The following INTS11 variants were observed in gnomAD, a reference collection of about 807,000 sequenced individuals.
The protein encoded by INTS11 is CPSF3-like protein.
INTS11 carries 77 observed loss-of-function variants against 78.6 expected under a neutral mutation model. The observed-to-expected ratio is 0.98, with a 90% confidence interval of 0.81 to 1.18. INTS11 has a LOEUF of 1.18. Ranked by LOEUF, INTS11 falls within the 50% of genes most tolerant of loss-of-function variation. The pLI is 0.00. For missense variants in INTS11, 875 were observed against 825.9 expected, an observed-to-expected ratio of 1.06 and a Z score of -0.73; for synonymous variants, 441 against 326.9, an observed-to-expected ratio of 1.35 and a Z score of -3.77.
intron 4 of INTS11, 100 bp downstream of exon 4, chr1:1,319,194 CCT>C (rs1378602590): frequency 2.8e-6 from 3 of 1,073,594 alleles, no homozygotes; most frequent in Non-Finnish European, 4.4e-6. Context: ...GTGGGCTCAC[CCT>C]GAGGCCCCAG....
Position 1,313,941 on chromosome 1 carries a change from T to A in INTS11, c.768-20A>T. 1 of 1,606,922 alleles carries A rather than the reference T, an allele frequency of 6.2e-7. No individual in the cohort carries two copies. Among genetic ancestry groups the A allele is most frequent in the Non-Finnish European group, 8.5e-7 (1 of 1,175,628 alleles). ...CGCTCCCTGGGGACCACCGGCCCAG[T>A]CAGCACAGTGGCCACAGGGGAGAAT... On this transcript the variant is annotated intron_variant, in intron 8 of 16. Transcript: ENST00000435064.
At chr1:1,318,295 T>C (rs1380425204) in intron 4 of INTS11, among the ~76,000 whole-genome samples, 2 of 152,038 alleles carry the variant, frequency 1.3e-5, no homozygotes, top group African/African-American at 2.4e-5. Flanking sequence ...AGGATAAATA[T>C]ATAAATAAAA....
chr1:1,319,141 C>T (rs756447553), intron 4 of INTS11, 155 bp downstream of exon 4: 5 of 819,616 alleles, frequency 6.1e-6, no homozygotes, highest in South Asian at 5.3e-5. Flanking sequence ...CGCGCTGACG[C>T]CTCCTGGTGT....
chr1:1,321,021 C>T lies in INTS11; in HGVS notation c.101G>A (p.Gly34Glu), dbSNP rs1318784712. The change falls in exon 2 of 17, where the codon GGA becomes GAA. Residue 34 changes from glycine (G) to glutamate (E), a missense_variant. Coordinates refer to ENST00000435064, the MANE Select transcript of INTS11 (RefSeq NM_017871.6). ...GTCGTCATTGAAGCCCATGTGCATT[C>T]CACAGTCCAGCATGACATTCTTGCC... is the stretch of plus-strand genomic sequence containing the variant. ...IAGKNVMLDC[G>E]MHMGFNDDRR... 1 of 1,613,166 alleles carries T rather than the reference C, an allele frequency of 6.2e-7. No homozygotes were observed. Among genetic ancestry groups the T allele is most frequent in the Admixed American group, 1.7e-5 (1 of 60,020 alleles).
chr1:1,324,027 G>C, intron 1 of INTS11, among the ~76,000 whole-genome samples: 1 of 33,296 alleles, frequency 3.0e-5, no homozygotes, highest in African/African-American at 1.4e-4. Context: ...TGAGGGTCTG[G>C]GGGACTGGAG....
chr1:1,314,984 G>A lies in INTS11; in HGVS notation c.564-22C>T, dbSNP rs1232310458. 1 of 1,609,998 alleles carries A rather than the reference G, an allele frequency of 6.2e-7. No homozygotes were observed. The highest frequency in any genetic ancestry group is 1.3e-5 in the African/African-American group (1 of 74,872). ...AGCTCTGGAACACGGGGGTGGGGGTGTGAGCCACGATGCACTGTCCCCACG... is the reference window on the plus strand; with the variant it reads ...AGCTCTGGAACACGGGGGTGGGGGTATGAGCCACGATGCACTGTCCCCACG... On this transcript the variant is annotated intron_variant, in intron 6 of 16. Transcript: ENST00000435064. The surrounding 1 kb of genome is among the most constrained non-coding windows in gnomAD (Gnocchi z 4.2).
At chr1:1,317,927 G>A (rs1024766069) in intron 4 of INTS11, 1 of 151,828 alleles carries the variant, frequency 6.6e-6, no homozygotes, top group African/African-American at 2.4e-5. Flanking sequence ...GTGCAGTGGT[G>A]GGATCTTGGC....
chr1:1,321,915 T>G, intron 1 of INTS11: 2 of 233,280 alleles, frequency 8.6e-6, no homozygotes, highest in Non-Finnish European at 1.4e-5. Flanking sequence ...CACCTCCCCC[T>G]GCCAGCCACT....
intron 14 of INTS11, 27 bp downstream of exon 14, chr1:1,312,413 C>G (rs368307735): frequency 8.3e-6 from 13 of 1,565,448 alleles, no homozygotes; most frequent in Non-Finnish European, 5.2e-6. Context: ...CGGCCCTCCC[C>G]CCTCCAGAGA....
Position 1,312,212 on chromosome 1 carries a change from G to GGGGGGGGGGGGGGGGGGT in INTS11, c.1607+13_1607+14insACCCCCCCCCCCCCCCCC. On this transcript the variant is annotated intron_variant, in intron 15 of 16. Coordinates refer to ENST00000435064, the MANE Select transcript of INTS11 (RefSeq NM_017871.6). ...GCCCAAGGGAGTGGGGGGGGGGCGG[G>GGGGGGGGGGGGGGGGGGT]GCCGGGCGCCCACCTCTTGAGGTGG... 1 of 911,008 alleles carries GGGGGGGGGGGGGGGGGGT rather than the reference G, an allele frequency of 1.1e-6. No homozygotes were observed. The highest frequency in any genetic ancestry group is 1.7e-6 in the Non-Finnish European group (1 of 600,430). The allele number at this position is 911,008 out of a possible 1,614,324, so 56.4% of individuals were successfully genotyped here. A position where few individuals can be genotyped will look rare whatever the true frequency, so the allele number is the denominator to read the frequency against.
chr1:1,317,124 TCA>T (rs1297316510), intron 4 of INTS11: 1 of 149,722 alleles, frequency 6.7e-6, no homozygotes, highest in Non-Finnish European at 1.5e-5. Context: ...GCGCAGTGGC[TCA>T]CTCTTGTAAT....
intron 2 of INTS11, chr1:1,320,793 G>T: frequency 1.4e-6 from 1 of 715,338 alleles, no homozygotes. Context: ...CCCCGGGGCT[G>T]GGGCTCAGCG....
chr1:1,324,618 C>T lies in INTS11; in HGVS notation c.-10G>A, dbSNP rs781645044. Reference sequence around the variant, plus strand: ...CTCTGATCTCAGGCATCGTCTCCGCCGCGCTCCCGGACCCGCGAGGCCCGC... The same window carrying T: ...CTCTGATCTCAGGCATCGTCTCCGCTGCGCTCCCGGACCCGCGAGGCCCGC... On this transcript the variant is annotated 5_prime_UTR_variant, in exon 1 of 17. Coordinates refer to ENST00000435064, the MANE Select transcript of INTS11 (RefSeq NM_017871.6). The T allele has an allele frequency of 5.6e-6, 9 of 1,598,942 alleles. No homozygotes were observed. The South Asian group carries it at 9.0e-5, about 16-fold the overall frequency.
intron 10 of INTS11, 62 bp downstream of exon 10, chr1:1,313,447 G>A: frequency 1.3e-6 from 2 of 1,564,762 alleles, no homozygotes; most frequent in Non-Finnish European, 1.8e-6. Context: ...GAGACAGCAT[G>A]GGTGGAAGGA....
At chr1:1,322,043 G>T in intron 1 of INTS11, 1 of 1,155,082 alleles carries the variant, frequency 8.7e-7, no homozygotes, top group Non-Finnish European at 1.1e-6. Context: ...CCCGCTGGGT[G>T]TGAGCTCTCT....
In INTS11 at chr1:1,314,016, A is replaced by C; in HGVS notation, c.768-95T>G. ...TCACCCCCAACACCCGTGTCTGCAC[A>C]GCCCACGCACGGGCCAGGTTGAGTC... On this transcript the variant is annotated intron_variant, in intron 8 of 16. Coordinates refer to ENST00000435064, the MANE Select transcript of INTS11 (RefSeq NM_017871.6). This position sits in a 1 kb window ranked among gnomAD's most constrained non-coding sequence, Gnocchi z 4.2. The C allele has an allele frequency of 1.5e-6, 2 of 1,307,436 alleles. No individual in the cohort carries two copies. The highest frequency in any genetic ancestry group is 2.3e-5 in the East Asian group (1 of 43,142). 81.0% of individuals were successfully genotyped at this position (1,307,436 alleles called of 1,614,324 possible).
Position 1,314,431 on chromosome 1 carries a change from GAGGGCACGGCC to G in INTS11, c.703-77_703-67del. ...CTCGACACAGCAGGCAGCGTCCAGT[GAGGGCACGGCC>G]AGGTGCCCAAGAGCTGCGGCCTCAT... On this transcript the variant is annotated intron_variant, in intron 7 of 16. Transcript: ENST00000435064. The surrounding 1 kb of genome is among the most constrained non-coding windows in gnomAD (Gnocchi z 4.2). 6.9e-7 allele frequency: 1 copy of G among 1,448,672 alleles called. No individual in the cohort carries two copies. The highest frequency in any genetic ancestry group is 9.4e-7 in the Non-Finnish European group (1 of 1,059,424). 89.7% of individuals were successfully genotyped at this position (1,448,672 alleles called of 1,614,324 possible). A position where few individuals can be genotyped will look rare whatever the true frequency, so the allele number is the denominator to read the frequency against.
At chr1:1,316,056 T>TA (rs1449583296) in intron 4 of INTS11, 1 of 212,408 alleles carries the variant, frequency 4.7e-6, no homozygotes, top group Non-Finnish European at 9.5e-6. Flanking sequence ...AGGCCTAAGG[T>TA]GGATCCCTTG....
At position 1,320,517 on chromosome 1, in the gene INTS11, C is replaced by T; in HGVS notation, c.139G>A (p.Asp47Asn). 6.2e-7 allele frequency: 1 copy of T among 1,613,904 alleles called. No homozygotes were observed. Among genetic ancestry groups the T allele is most frequent in the Non-Finnish European group, 8.5e-7 (1 of 1,179,932 alleles). ...CCGTTCTGGGTGATGTAGGAGAAGT[C>T]AGGGAAGCGTCGCTAGGAAGGATGT... is the stretch of plus-strand genomic sequence containing the variant. ...MGFNDDRRFP[D>N]FSYITQNGRL... Residue 47 changes from aspartate (D) to asparagine (N), a missense_variant, in exon 3 of 17, where the codon GAC becomes AAC. Transcript: ENST00000435064.
Sources: gnomAD v4.1 joint callset for allele counts (sites outside exome capture counted in the v4.1 genomes callset) on GRCh38, gnomAD v4.1.1 for gene constraint, Gnocchi (gnomAD v3.1) non-coding constraint, MANE v1.5 for transcripts, NCBI Gene and HGNC (gene_info 2026-07-23, HGNC 2026-07-21) for gene names.